Variants in CACNA1C observed in about 807,000 individuals in gnomAD.
CACNA1C encodes the protein voltage-dependent L-type calcium channel subunit alpha-1C.
In CACNA1C, 30 loss-of-function variants were observed where a neutral mutation model predicts 229.0. The observed-to-expected ratio is 0.13, with a 90% CI of 0.10 to 0.18. The LOEUF (loss-of-function observed/expected upper bound fraction) is 0.18, where lower values mean the gene tolerates loss of function less well. CACNA1C is among the 10% of genes least tolerant of loss of function. The probability of loss-of-function intolerance (pLI) is 1.00; values close to 1 mark genes in which losing one functional copy is unlikely to be tolerated. For missense variants in CACNA1C, 1,658 were observed against 2,845.0 expected, an observed-to-expected ratio of 0.58 and a Z score of 9.49; for synonymous variants, 1,114 against 1,132.5, an observed-to-expected ratio of 0.98 and a Z score of 0.33.
chr12:2,615,714 A>C (rs1189964285), intron 29 of CACNA1C, among the ~76,000 whole-genome samples: 1 of 152,180 alleles, frequency 6.6e-6, no homozygotes, highest in East Asian at 1.9e-4. Context: ...CGCGGGAAGC[A>C]GTGTCTGTCT....
intron 3 of CACNA1C, among the ~76,000 whole-genome samples, chr12:2,317,077 G>T (rs989787958): frequency 1.8e-4 from 27 of 152,200 alleles, no homozygotes; most frequent in Admixed American, 1.8e-3. Flanking sequence ...ATATAAAATT[G>T]TATCATTTAG....
At position 2,031,970 on chromosome 12, in the gene CACNA1C, TGTGA is replaced by T. The variant is rs1233937894; in HGVS notation, c.139+60773_139+60776del. On this transcript the variant is annotated intron_variant, in intron 1 of 46. Coordinates refer to the CACNA1C transcript ENST00000682462. ...GGAGACAAATGTGTTGCTCTTTCTG[TGTGA>T]GTGTGTGTGTGAGTGTGTTTGTGTG... 3.6e-5 allele frequency among the ~76,000 whole-genome samples: 5 copies of T among 138,154 alleles called. No homozygotes were observed. In the East Asian group the frequency reaches 6.9e-4, roughly 19 times the overall value. 90.6% of individuals were successfully genotyped at this position (138,154 alleles called of 152,430 possible). A position where few individuals can be genotyped will look rare whatever the true frequency, so the allele number is the denominator to read the frequency against.
At chr12:2,559,290 A>G (rs923125269) in intron 11 of CACNA1C, among the ~76,000 whole-genome samples, 4 of 152,264 alleles carry the variant, frequency 2.6e-5, no homozygotes, top group African/African-American at 9.6e-5. Context: ...GAATGAATGA[A>G]TGAATGAATA....
At chr12:2,288,299 T>C (rs940473281) in intron 3 of CACNA1C, 2 of 152,338 alleles carry the variant, frequency 1.3e-5, no homozygotes, top group African/African-American at 2.4e-5. Flanking sequence ...TACATGATGA[T>C]GGCCTGTTTA....
At chr12:1,985,182 T>A (rs1051333888) in intron 1 of CACNA1C, among the ~76,000 whole-genome samples, 2 of 152,170 alleles carry the variant, frequency 1.3e-5, no homozygotes, top group Admixed American at 6.5e-5. Flanking sequence ...TGGGAAAGGT[T>A]TTGGACATTA....
At chr12:2,496,458 C>A (rs1487434406) in intron 7 of CACNA1C, among the ~76,000 whole-genome samples, 2 of 152,200 alleles carry the variant, frequency 1.3e-5, no homozygotes, top group East Asian at 3.8e-4. Context: ...AAGAGTAAGT[C>A]ACTAAAGCAT....
intron 11 of CACNA1C, among the ~76,000 whole-genome samples, chr12:2,561,813 T>C (rs1181574181): frequency 6.6e-6 from 1 of 152,232 alleles, no homozygotes; most frequent in African/African-American, 2.4e-5. Context: ...GAAGGTTCTA[T>C]TTCTAGAGAA....
At chr12:2,171,059 G>A (rs1170043982) in intron 3 of CACNA1C, among the ~76,000 whole-genome samples, 2 of 152,252 alleles carry the variant, frequency 1.3e-5, no homozygotes, top group Admixed American at 1.3e-4. Flanking sequence ...CTTTTCACGT[G>A]TGGGGCTGGA....
At chr12:2,347,775 C>T (rs1287193896) in intron 3 of CACNA1C, among the ~76,000 whole-genome samples, 1 of 152,224 alleles carries the variant, frequency 6.6e-6, no homozygotes, top group Non-Finnish European at 1.5e-5. Context: ...GACACTAAAC[C>T]AGACCTGCCC....
rs2051909042 is a variant in CACNA1C at position 2,567,687 on chromosome 12, G to T, written c.1788G>T (p.Val596=). The T allele has an allele frequency of 6.2e-7, 1 of 1,613,710 alleles. No homozygotes were observed. The highest frequency in any genetic ancestry group is 8.5e-7 in the Non-Finnish European group (1 of 1,179,858). Residue 596 remains valine (V), a synonymous_variant, in exon 13 of 47, where the codon GTG becomes GTT. Transcript: ENST00000399655. Reference sequence around the variant, plus strand: ...TCAACCGCTTTGACTGCTTCGTCGTGTGTGGCGGCATCCTGGAGACCATCC... The same window carrying T: ...TCAACCGCTTTGACTGCTTCGTCGTTTGTGGCGGCATCCTGGAGACCATCC... ...SLFNRFDCFV[V]CGGILETILV...
rs1404809342 is a variant in CACNA1C, at chr12:2,608,830, T to C, written c.3558+118T>C. On this transcript the variant is annotated intron_variant, in intron 27 of 46. Transcript: ENST00000399655. This position sits in a 1 kb window ranked among gnomAD's most constrained non-coding sequence, Gnocchi z 4.2. ...GCCGTGCAGATACTGAGATCGTCTC[T>C]CTATTCCTCAACCAGAGTGGGCTGT... The C allele has an allele frequency of 1.0e-6, 1 of 980,186 alleles. No homozygotes were observed. Among genetic ancestry groups the C allele is most frequent in the East Asian group, 2.6e-5 (1 of 38,188 alleles). The allele number at this position is 980,186 out of a possible 1,614,324, so 60.7% of individuals were successfully genotyped here.
chr12:2,344,306 G>A (rs1381861210), intron 3 of CACNA1C, among the ~76,000 whole-genome samples: 1 of 152,046 alleles, frequency 6.6e-6, no homozygotes, highest in Admixed American at 6.5e-5. Flanking sequence ...AGCAAAGAAA[G>A]GGCATTCTTT....
Position 2,486,299 on chromosome 12 carries a change from C to T in CACNA1C, c.916+37C>T. On this transcript the variant is annotated intron_variant, in intron 6 of 46. Coordinates refer to ENST00000399655, the MANE Select transcript of CACNA1C (RefSeq NM_000719.7). This position sits in a 1 kb window ranked among gnomAD's most constrained non-coding sequence, Gnocchi z 4.9. ...AGGCGGCTGCGCTCCCAAGGCCCTGCCCTCTATCGCTCCCAGCACCTTTCC... is the reference window on the plus strand; with the variant it reads ...AGGCGGCTGCGCTCCCAAGGCCCTGTCCTCTATCGCTCCCAGCACCTTTCC... 6.3e-7 allele frequency: 1 copy of T among 1,579,140 alleles called. No homozygotes were observed. The highest frequency in any genetic ancestry group is 8.7e-7 in the Non-Finnish European group (1 of 1,154,740).
chr12:2,356,800 C>T (rs1231062974), intron 3 of CACNA1C, among the ~76,000 whole-genome samples: 1 of 152,222 alleles, frequency 6.6e-6, no homozygotes, highest in Non-Finnish European at 1.5e-5. Flanking sequence ...ACTAAGTGCT[C>T]TATATGCATT....
chr12:2,292,095 A>G (rs899170579), intron 3 of CACNA1C, among the ~76,000 whole-genome samples: 9 of 152,224 alleles, frequency 5.9e-5, no homozygotes, highest in African/African-American at 2.2e-4. Context: ...GAGTCAATTG[A>G]CAGACAGCCA....
chr12:2,242,296 A>G (rs1436206750), intron 3 of CACNA1C, among the ~76,000 whole-genome samples: 1 of 152,164 alleles, frequency 6.6e-6, no homozygotes, highest in Non-Finnish European at 1.5e-5. Context: ...AAACATACTC[A>G]CTTCCATTGC....
chr12:2,586,275 C>T (rs868717794), intron 18 of CACNA1C, among the ~76,000 whole-genome samples: 50 of 152,244 alleles, frequency 3.3e-4, no homozygotes, highest in African/African-American at 1.2e-3. Context: ...TAGTCAATCC[C>T]AAGTCTGCCT....
intron 3 of CACNA1C, among the ~76,000 whole-genome samples, chr12:2,383,913 G>A (rs1035684021): frequency 6.6e-6 from 1 of 152,206 alleles, no homozygotes; most frequent in African/African-American, 2.4e-5. Flanking sequence ...AAATCTAATT[G>A]ATTAGCATTT....
intron 1 of CACNA1C, chr12:2,004,519 A>T: frequency 6.7e-7 from 1 of 1,501,398 alleles, no homozygotes; most frequent in Non-Finnish European, 8.9e-7. Flanking sequence ...GCAACCGAGA[A>T]CCCACGGCGA....
Sources: gnomAD v4.1 joint callset for allele counts (sites outside exome capture counted in the v4.1 genomes callset) on GRCh38, gnomAD v4.1.1 for gene constraint, Gnocchi (gnomAD v3.1) non-coding constraint, MANE v1.5 for transcripts, NCBI Gene and HGNC (gene_info 2026-07-23, HGNC 2026-07-21) for gene names.